Variants in NRG1 observed in about 807,000 individuals in gnomAD.
NRG1 encodes neuregulin 1.
In NRG1, 18 loss-of-function variants were observed where a neutral mutation model predicts 63.8. The ratio of observed to expected loss-of-function variants is 0.28; its 90% CI spans 0.19 to 0.42. The LOEUF is 0.42. Ranked by LOEUF, NRG1 falls within the 10% of genes least tolerant of loss-of-function variation. The pLI is 1.00. For missense variants in NRG1, 762 were observed against 814.7 expected (o/e 0.94, Z 0.79); for synonymous variants, 302 against 301.3 (o/e 1.00, Z -0.02).
At chr8:32,292,116 C>T (rs949003603) in intron 1 of NRG1, among the ~76,000 whole-genome samples, 3 of 152,056 alleles carry the variant, frequency 2.0e-5, no homozygotes, top group African/African-American at 7.2e-5. Context: ...TTCATTTTTT[C>T]CCCCAACCAT....
chr8:32,158,448 G>GTTATATATATATAT (rs1838397969), intron 1 of NRG1, among the ~76,000 whole-genome samples: 1 of 62,184 alleles, frequency 1.6e-5, no homozygotes, highest in Non-Finnish European at 3.9e-5. Flanking sequence ...TGGTTTACAT[G>GTTATATATATATAT]ATATATATAT....
intron 5 of NRG1, among the ~76,000 whole-genome samples, chr8:32,635,979 G>T (rs1851272522): frequency 6.6e-6 from 1 of 152,156 alleles, no homozygotes; most frequent in Admixed American, 6.5e-5. Context: ...ATTTGGAAGA[G>T]CATGATAGAA....
chr8:32,295,982 T>G (rs1009907363), intron 1 of NRG1, among the ~76,000 whole-genome samples: 6 of 151,802 alleles, frequency 4.0e-5, no homozygotes, highest in Non-Finnish European at 7.4e-5. Context: ...TTGATGGTTT[T>G]CTCTTGAAAA....
chr8:31,990,247 G>A (rs1221884278), intron 1 of NRG1, among the ~76,000 whole-genome samples: 4 of 152,062 alleles, frequency 2.6e-5, no homozygotes, highest in Non-Finnish European at 5.9e-5. Flanking sequence ...CCTGATCTAG[G>A]TAATGCTGTT....
At chr8:32,274,714 A>C (rs1291461993) in intron 1 of NRG1, among the ~76,000 whole-genome samples, 2 of 152,196 alleles carry the variant, frequency 1.3e-5, no homozygotes, top group African/African-American at 2.4e-5. Flanking sequence ...CAATTTAAAC[A>C]TCCACAGGAA....
At position 31,981,672 on chromosome 8, in the gene NRG1, G is replaced by A. The variant is rs1411427562; in HGVS notation, c.37+342241G>A. 2.6e-5 allele frequency among the ~76,000 whole-genome samples: 4 copies of A among 151,770 alleles called. No homozygotes were observed. The South Asian group carries it at 6.2e-4, about 24-fold the overall frequency. On this transcript the variant is annotated intron_variant, in intron 1 of 10. Transcript: ENST00000519301. The stretch of plus-strand genomic sequence containing the variant: ...ATTTCTTACCTCAAATCCATTCTGC[G>A]ACTTCACCAGCAGATTAATATTCTT...
intron 1 of NRG1, among the ~76,000 whole-genome samples, chr8:32,329,964 C>G (rs1802442795): frequency 6.8e-6 from 1 of 146,944 alleles, no homozygotes; most frequent in Admixed American, 7.0e-5. Flanking sequence ...GCCTGGAACC[C>G]CTGACCACAA....
chr8:32,462,262 G>C (rs1822410029), intron 1 of NRG1, among the ~76,000 whole-genome samples: 1 of 152,144 alleles, frequency 6.6e-6, no homozygotes, highest in South Asian at 2.1e-4. Flanking sequence ...ACCTCTGATT[G>C]GTGAGTGACA....
At chr8:32,314,421 C>T (rs887605554) in intron 1 of NRG1, among the ~76,000 whole-genome samples, 1 of 142,742 alleles carries the variant, frequency 7.0e-6, no homozygotes, top group African/African-American at 2.7e-5. Flanking sequence ...TCCAGATAAC[C>T]GAGGGAGGGA....
intron 1 of NRG1, among the ~76,000 whole-genome samples, chr8:32,200,331 G>C (rs1843375238): frequency 6.6e-6 from 1 of 152,152 alleles, no homozygotes; most frequent in Non-Finnish European, 1.5e-5. Context: ...ATTTCCAAGA[G>C]TGCTTTAGTT....
At chr8:32,311,047 AT>A (rs1430401028) in intron 1 of NRG1, among the ~76,000 whole-genome samples, 1 of 152,154 alleles carries the variant, frequency 6.6e-6, no homozygotes, top group Admixed American at 6.5e-5. Context: ...CACCCTGGGT[AT>A]TACTCTGTGC....
At chr8:32,101,599 TATTG>T (rs983364656) in intron 1 of NRG1, among the ~76,000 whole-genome samples, 2 of 152,122 alleles carry the variant, frequency 1.3e-5, no homozygotes, top group African/African-American at 4.8e-5. Context: ...GCTTTTCAGT[TATTG>T]ATTTTAAATC....
chr8:31,696,812 A>G (rs1283798638), intron 1 of NRG1, among the ~76,000 whole-genome samples: 1 of 152,168 alleles, frequency 6.6e-6, no homozygotes, highest in Non-Finnish European at 1.5e-5. Flanking sequence ...ACTTCAGCCC[A>G]GGGGTCCTTT....
intron 1 of NRG1, among the ~76,000 whole-genome samples, chr8:32,158,524 T>A (rs1838438305): frequency 7.1e-6 from 1 of 141,660 alleles, no homozygotes; most frequent in Admixed American, 7.7e-5. Flanking sequence ...CTGAGGTCAC[T>A]TGAAACTGAC....
At chr8:32,088,115 C>A (rs558050439) in intron 1 of NRG1, among the ~76,000 whole-genome samples, 2 of 152,246 alleles carry the variant, frequency 1.3e-5, no homozygotes, top group Admixed American at 1.3e-4. Context: ...AATCGTACCC[C>A]ATCTGAAAAC....
At chr8:32,200,054 C>T (rs1361116353) in intron 1 of NRG1, among the ~76,000 whole-genome samples, 2 of 152,216 alleles carry the variant, frequency 1.3e-5, no homozygotes, top group African/African-American at 4.8e-5. Flanking sequence ...GCTGGGATTA[C>T]AGGCATTAGC....
chr8:32,273,615 C>T lies in NRG1; in HGVS notation c.38-322213C>T, dbSNP rs191081992. Among the ~76,000 whole-genome samples, 9 of 152,180 alleles carry T rather than the reference C, an allele frequency of 5.9e-5. No homozygotes were observed. The East Asian group carries it at 1.2e-3, about 20-fold the overall frequency. The stretch of plus-strand genomic sequence containing the variant: ...GAGAAATTCAAGAATCAGGTGGTAC[C>T]GTTGAGTCACTGGACACATTTTTAA... On this transcript the variant is annotated intron_variant, in intron 1 of 10. Coordinates refer to the NRG1 transcript ENST00000519301.
chr8:32,011,852 A>AAG (rs1814813271), intron 1 of NRG1, among the ~76,000 whole-genome samples: 1 of 152,098 alleles, frequency 6.6e-6, no homozygotes, highest in Admixed American at 6.6e-5. Flanking sequence ...TATTTTATTC[A>AAG]TAGTTTGTGC....
chr8:32,042,037 C>A (rs984783985), intron 1 of NRG1, among the ~76,000 whole-genome samples: 3 of 152,092 alleles, frequency 2.0e-5, no homozygotes, highest in Admixed American at 2.0e-4. Context: ...TTTGAAAATG[C>A]AAATGATATT....
Sources: allele counts gnomAD v4.1 joint callset (sites outside exome capture counted in the v4.1 genomes callset), GRCh38; gene constraint gnomAD v4.1.1; transcripts MANE v1.5; gene names NCBI Gene and HGNC (gene_info 2026-07-23, HGNC 2026-07-21).